LRTM3: variants seen among roughly 807,000 people sequenced by gnomAD.
LRTM3 encodes leucine-rich repeat transmembrane protein 3.
At chr13:102,756,979 C>A in the LRTM3 span, among the ~76,000 whole-genome samples, 1 of 152,080 alleles carries the variant, frequency 6.6e-6, no homozygotes, top group African/African-American at 2.4e-5. Context: ...GCTAAAAATC[C>A]TTTTTTTCTC....
chr13:102,738,718 C>G, the LRTM3 span: 1 of 1,550,694 alleles, frequency 6.4e-7, no homozygotes, highest in Non-Finnish European at 8.7e-7. Flanking sequence ...TTTTTATTCT[C>G]ATGGCTTCCT....
the LRTM3 span, chr13:102,741,825 C>A: frequency 2.6e-6 from 4 of 1,550,372 alleles, no homozygotes; most frequent in Non-Finnish European, 3.5e-6. Context: ...TCAAGTTCTT[C>A]ATCTGTTCTA....
chr13:102,732,145 C>T, the LRTM3 span: 6 of 1,551,164 alleles, frequency 3.9e-6, no homozygotes, highest in African/African-American at 1.4e-5. Flanking sequence ...CTCTCTTAGA[C>T]ATTTCACTAG....
the LRTM3 span, chr13:102,729,660 G>A: frequency 1.1e-5 from 17 of 1,550,708 alleles, no homozygotes; most frequent in Middle Eastern, 1.7e-4. Flanking sequence ...AAAAAGGGCC[G>A]GTTTTGTTTT....
the LRTM3 span, among the ~76,000 whole-genome samples, chr13:102,753,913 A>G: frequency 6.6e-6 from 1 of 152,176 alleles, no homozygotes; most frequent in African/African-American, 2.4e-5. Context: ...TCCTAATATA[A>G]GAAAATGCTG....
At chr13:102,746,875 T>C in the LRTM3 span, 1 of 1,551,322 alleles carries the variant, frequency 6.4e-7, no homozygotes, top group Non-Finnish European at 8.7e-7. Flanking sequence ...CTGCAGTGCA[T>C]TTGCAGTCTG....
At chr13:102,749,951 A>T in the LRTM3 span, 1 of 1,551,212 alleles carries the variant, frequency 6.4e-7, no homozygotes, top group Non-Finnish European at 8.7e-7. Context: ...ATTTTCTTCC[A>T]GAAGTCTAAC....
At chr13:102,735,456 G>A in the LRTM3 span, 3 of 1,551,274 alleles carry the variant, frequency 1.9e-6, no homozygotes, top group Admixed American at 3.9e-5. Flanking sequence ...TTAAGATATG[G>A]TGGAGTAAGT....
chr13:102,752,770 A>G, the LRTM3 span, among the ~76,000 whole-genome samples: 1 of 152,222 alleles, frequency 6.6e-6, no homozygotes, highest in African/African-American at 2.4e-5. Context: ...ATATTTGTAG[A>G]CGTGGCCTTT....
At chr13:102,748,659 C>A in the LRTM3 span, 1 of 1,550,470 alleles carries the variant, frequency 6.4e-7, no homozygotes, top group South Asian at 1.2e-5. Flanking sequence ...ATATGGAGAT[C>A]AAATGGTTTT....
At chr13:102,734,028 G>A in the LRTM3 span, 2 of 1,551,394 alleles carry the variant, frequency 1.3e-6, no homozygotes, top group South Asian at 1.2e-5. Flanking sequence ...GGTGCTGACG[G>A]TATAGAAAGA....
chr13:102,753,317 G>A, the LRTM3 span, among the ~76,000 whole-genome samples: 2 of 152,060 alleles, frequency 1.3e-5, no homozygotes, highest in Admixed American at 1.3e-4. Context: ...ACTGGGTCCT[G>A]TCAGGGAGGT....
the LRTM3 span, chr13:102,748,853 CT>C: frequency 4.5e-6 from 7 of 1,550,252 alleles, no homozygotes; most frequent in Non-Finnish European, 6.1e-6. Context: ...GTTTTTTAGT[CT>C]TTTGTTTTCT....
chr13:102,750,254 C>G, the LRTM3 span: 1 of 1,551,150 alleles, frequency 6.4e-7, no homozygotes, highest in Admixed American at 2.0e-5. Context: ...ACTAGAGGGA[C>G]TTACTTGATC....
the LRTM3 span, chr13:102,733,725 C>A: frequency 6.4e-7 from 1 of 1,551,244 alleles, no homozygotes; most frequent in African/African-American, 1.4e-5. Flanking sequence ...ATGTCCTCAT[C>A]CCGTGAGTTT....
chr13:102,742,395 T>C, the LRTM3 span: 4 of 1,546,776 alleles, frequency 2.6e-6, no homozygotes, highest in African/African-American at 2.7e-5. Context: ...CTCCAGATAG[T>C]TCCTGAGACA....
the LRTM3 span, chr13:102,737,846 G>T: frequency 6.5e-7 from 1 of 1,550,336 alleles, no homozygotes; most frequent in Non-Finnish European, 8.7e-7. Flanking sequence ...TTCTATTCTT[G>T]TGTCCAATAT....
the LRTM3 span, chr13:102,738,195 T>C: frequency 2.8e-5 from 43 of 1,550,818 alleles, no homozygotes; most frequent in African/African-American, 6.9e-5. Flanking sequence ...GGATGCATTA[T>C]GTCTTTCTTA....
the LRTM3 span, chr13:102,746,679 T>C: frequency 6.4e-7 from 1 of 1,551,132 alleles, no homozygotes; most frequent in Non-Finnish European, 8.7e-7. Context: ...AAAACAGGAG[T>C]GCAATAATTG....
Sources: gnomAD v4.1 joint callset for allele counts (sites outside exome capture counted in the v4.1 genomes callset) on GRCh38, gnomAD v4.1.1 for gene constraint, MANE v1.5 for transcripts, NCBI Gene and HGNC (gene_info 2026-07-23, HGNC 2026-07-21) for gene names.